Variants in HOOK3 observed in about 807,000 individuals in gnomAD.
HOOK3 encodes the protein protein Hook homolog 3.
In HOOK3, 24 loss-of-function variants were observed where a neutral mutation model predicts 116.3. The ratio of observed to expected loss-of-function variants is 0.21; its 90% CI spans 0.15 to 0.29. The LOEUF is 0.29. HOOK3 is among the 10% of genes least tolerant of loss of function. The probability of loss-of-function intolerance (pLI) is 1.00; values close to 1 mark genes in which losing one functional copy is unlikely to be tolerated. For synonymous variants in HOOK3, 275 were observed against 283.0 expected, an observed-to-expected ratio of 0.97 and a Z score of 0.28; for missense variants, 632 against 830.2, an observed-to-expected ratio of 0.76 and a Z score of 2.93.
intron 1 of HOOK3, 75 bp downstream of exon 1, chr8:42,897,263 T>G (rs113969303): frequency 0.026 from 26,665 of 1,039,426 alleles, 656 homozygotes; most frequent in African/African-American, 0.12. Flanking sequence ...GCGCGGCCCG[T>G]GGGGCGAGCG....
At chr8:42,924,256 T>C (rs550786017) in intron 2 of HOOK3, among the ~76,000 whole-genome samples, 1 of 152,222 alleles carries the variant, frequency 6.6e-6, no homozygotes, top group South Asian at 2.1e-4. Context: ...TTTTAGAGGA[T>C]CAATTTCAAA....
chr8:42,938,217 C>CTTTTTTTTTT (rs145868661), intron 4 of HOOK3, among the ~76,000 whole-genome samples: 1,798 of 131,496 alleles, frequency 0.014, 51 homozygotes, highest in African/African-American at 0.05. Context: ...GCAACCCCTG[C>CTTTTTTTTTT]TTTTTTTTTT....
chr8:42,935,976 T>G (rs1807962140), intron 4 of HOOK3, among the ~76,000 whole-genome samples: 1 of 152,248 alleles, frequency 6.6e-6, no homozygotes, highest in South Asian at 2.1e-4. Context: ...ATAAATTGCT[T>G]TGGGCAGGAT....
Position 42,999,951 on chromosome 8 carries a change from CCTGA to C in HOOK3, c.1621-2153_1621-2150del, listed in dbSNP as rs528009951. 2.6e-3 allele frequency among the ~76,000 whole-genome samples: 393 copies of C among 152,178 alleles called. 2 individuals carry two copies. The highest frequency in any genetic ancestry group is 5.5e-3 in the Admixed American group (84 of 15,278). The stretch of plus-strand genomic sequence containing the variant: ...CACGAGGTCAGGAGATCGAGATCAT[CCTGA>C]CTAACATGGTGAAACCCCATCTCTA... On this transcript the variant is annotated intron_variant, in intron 16 of 21. Coordinates refer to ENST00000307602, the MANE Select transcript of HOOK3 (RefSeq NM_032410.4).
At chr8:42,902,514 C>T (rs985107307) in intron 1 of HOOK3, among the ~76,000 whole-genome samples, 29 of 152,048 alleles carry the variant, frequency 1.9e-4, no homozygotes, top group African/African-American at 6.8e-4. Context: ...TCAAGTGATC[C>T]TCCAGCTTTG....
chr8:42,933,599 C>T (rs942924499), intron 4 of HOOK3, among the ~76,000 whole-genome samples: 5 of 152,152 alleles, frequency 3.3e-5, no homozygotes, highest in African/African-American at 7.2e-5. Flanking sequence ...TTGCTGAATT[C>T]GGTGTATTTC....
intron 8 of HOOK3, among the ~76,000 whole-genome samples, chr8:42,960,876 T>C (rs1348744827): frequency 2.0e-5 from 3 of 152,216 alleles, no homozygotes; most frequent in African/African-American, 7.2e-5. Flanking sequence ...TTTGTATTGT[T>C]GTAAAGAAAT....
intron 21 of HOOK3, among the ~76,000 whole-genome samples, chr8:43,015,510 G>A (rs891723840): frequency 1.5e-4 from 23 of 152,238 alleles, no homozygotes; most frequent in Middle Eastern, 3.4e-3. Flanking sequence ...ACGACAGAGC[G>A]AGACTCCGTC....
intron 4 of HOOK3, among the ~76,000 whole-genome samples, chr8:42,932,363 T>G (rs1807890483): frequency 6.6e-6 from 1 of 152,134 alleles, no homozygotes; most frequent in South Asian, 2.1e-4. Flanking sequence ...AAAGTAGTTT[T>G]TAATAAAGTA....
chr8:42,994,462 C>G, intron 15 of HOOK3: 2 of 416,254 alleles, frequency 4.8e-6, no homozygotes, highest in Non-Finnish European at 4.8e-6. Flanking sequence ...TTCCCTCTTA[C>G]TACGGCTTTT....
At chr8:43,008,346 G>T (rs1482499521) in intron 18 of HOOK3, among the ~76,000 whole-genome samples, 1 of 151,898 alleles carries the variant, frequency 6.6e-6, no homozygotes, top group Non-Finnish European at 1.5e-5. Context: ...ATAGGGTCTG[G>T]CTGTGTTGCC....
intron 1 of HOOK3, among the ~76,000 whole-genome samples, chr8:42,899,580 G>A (rs1464814973): frequency 6.6e-6 from 1 of 152,186 alleles, no homozygotes; most frequent in African/African-American, 2.4e-5. Flanking sequence ...CTATCTGTAA[G>A]CCAGATTAAT....
intron 17 of HOOK3, among the ~76,000 whole-genome samples, chr8:43,005,214 A>ATTTTTTTTT (rs1178140233): frequency 1.9e-4 from 12 of 63,180 alleles, no homozygotes; most frequent in East Asian, 5.3e-4. Context: ...TATATATATA[A>ATTTTTTTTT]TTTTTTTTTT....
intron 9 of HOOK3, 51 bp from the exon 10 acceptor site, chr8:42,966,422 A>G (rs756093143): frequency 1.3e-6 from 2 of 1,588,816 alleles, no homozygotes; most frequent in South Asian, 2.2e-5. Flanking sequence ...TCTAAGGAGA[A>G]TGAGGAGGCA....
chr8:42,998,619 T>G (rs1158617075), intron 16 of HOOK3, among the ~76,000 whole-genome samples: 1 of 151,932 alleles, frequency 6.6e-6, no homozygotes, highest in African/African-American at 2.4e-5. Flanking sequence ...ATACTAGATA[T>G]AGAAAGCTCA....
At chr8:42,959,698 GAC>G (rs960897018) in intron 8 of HOOK3, among the ~76,000 whole-genome samples, 1 of 113,728 alleles carries the variant, frequency 8.8e-6, no homozygotes, top group Non-Finnish European at 1.7e-5. Context: ...CAGCCTGGGT[GAC>G]AGAGCAAGAC....
At chr8:43,005,465 G>A (rs374379224) in intron 17 of HOOK3, among the ~76,000 whole-genome samples, 27 of 151,410 alleles carry the variant, frequency 1.8e-4, no homozygotes, top group Admixed American at 1.5e-3. Context: ...CTCGTGATCC[G>A]CCTGCCTCGG....
intron 21 of HOOK3, among the ~76,000 whole-genome samples, chr8:43,017,105 T>C (rs950604343): frequency 6.6e-6 from 1 of 152,220 alleles, no homozygotes; most frequent in Admixed American, 6.5e-5. Flanking sequence ...CTTCTGCACA[T>C]CCTTCATTGC....
chr8:42,996,296 G>T (rs906589217), intron 15 of HOOK3, among the ~76,000 whole-genome samples: 2 of 151,542 alleles, frequency 1.3e-5, no homozygotes, highest in Non-Finnish European at 2.9e-5. Flanking sequence ...TGAGGCACGA[G>T]GATTGCTTGA....
Sources: gnomAD v4.1 joint callset for allele counts (sites outside exome capture counted in the v4.1 genomes callset) on GRCh38, gnomAD v4.1.1 for gene constraint, MANE v1.5 for transcripts, NCBI Gene and HGNC (gene_info 2026-07-23, HGNC 2026-07-21) for gene names.